Variants in LIPK observed in about 807,000 individuals in gnomAD.
LIPK encodes the protein lipase family member K, also known as lipase member K.
A neutral mutation model predicts 48.6 loss-of-function variants in LIPK; 32 were observed. The ratio of observed to expected loss-of-function variants is 0.66; its 90% CI spans 0.50 to 0.88. The LOEUF (loss-of-function observed/expected upper bound fraction) is 0.88, where lower values mean the gene tolerates loss of function less well. Among genes scored for constraint, LIPK ranks in the 40% least tolerant of loss-of-function variants. The pLI, the probability that LIPK is intolerant of heterozygous loss-of-function variation, is 0.00. For synonymous variants in LIPK, 164 were observed against 157.4 expected (o/e 1.04, Z -0.32); for missense variants, 507 against 478.5 (o/e 1.06, Z -0.56).
At chr10:88,723,671 A>C (rs1842277418) in intron 1 of LIPK, among the ~76,000 whole-genome samples, 1 of 152,168 alleles carries the variant, frequency 6.6e-6, no homozygotes, top group African/African-American at 2.4e-5. Flanking sequence ...GTAATACTGG[A>C]TATAGAAAAT....
At chr10:88,749,250 C>A (rs1003859006) in intron 9 of LIPK, among the ~76,000 whole-genome samples, 5 of 152,138 alleles carry the variant, frequency 3.3e-5, no homozygotes, top group Admixed American at 3.3e-4. Flanking sequence ...ACATCTAACA[C>A]AGAATTAGAA....
At chr10:88,749,487 A>C (rs1425954899) in intron 9 of LIPK, among the ~76,000 whole-genome samples, 2 of 152,336 alleles carry the variant, frequency 1.3e-5, no homozygotes, top group African/African-American at 4.8e-5. Flanking sequence ...ATCTTCGACA[A>C]AGTTGACAAT....
At chr10:88,734,542 A>C (rs895743173) in intron 6 of LIPK, among the ~76,000 whole-genome samples, 1 of 152,232 alleles carries the variant, frequency 6.6e-6, no homozygotes, top group Admixed American at 6.5e-5. Context: ...ATATTTGCAC[A>C]GGGGAATGAC....
intron 6 of LIPK, among the ~76,000 whole-genome samples, chr10:88,735,319 C>G (rs1215381159): frequency 1.3e-5 from 2 of 152,232 alleles, no homozygotes; most frequent in African/African-American, 4.8e-5. Context: ...CTATAGATTG[C>G]TTTGATCCTT....
In LIPK at chr10:88,740,018, C is replaced by T. The variant is rs757471334; in HGVS notation, c.839C>T (p.Ser280Leu). 13 of 1,552,574 alleles carry T rather than the reference C, an allele frequency of 8.4e-6. No individual in the cohort carries two copies. In the South Asian group the frequency reaches 1.4e-4, roughly 17 times the overall value. The change falls in exon 8 of 10, where the codon TCA (serine) becomes TTA (leucine). Residue 280 changes from serine (S) to leucine (L), a missense_variant. Transcript: ENST00000404190. ...LNMSRLDVYLSHNPAGTSVQN... is the reference protein window; with the variant it reads ...LNMSRLDVYLLHNPAGTSVQN... ...CAGAGTCGCTTGGATGTTTATTTGT[C>T]ACACAATCCTGCGGGAACATCTGTT...
Position 88,743,281 on chromosome 10 carries a change from AT to A in LIPK, c.922del (p.Trp308GlyfsTer8), listed in dbSNP as rs1490064440. On this transcript the variant is annotated frameshift_variant, in exon 9 of 10. Transcript: ENST00000404190. LOFTEE classifies it high-confidence loss of function. ...AVNSGQLQAF[D>X]WGNSDQNMMH... Reference sequence around the variant, plus strand: ...AATTCTGGTCAGCTCCAAGCTTTTGATTGGGGAAACTCTGATCAGAACATGA... The same window carrying A: ...AATTCTGGTCAGCTCCAAGCTTTTGATGGGGAAACTCTGATCAGAACATGA... The A allele has an allele frequency of 1.9e-6, 3 of 1,593,400 alleles. No individual in the cohort carries two copies. Among genetic ancestry groups the A allele is most frequent in the Non-Finnish European group, 2.6e-6 (3 of 1,168,118 alleles).
chr10:88,711,618 G>C (rs1842028750), intron 1 of LIPK, among the ~76,000 whole-genome samples: 1 of 152,134 alleles, frequency 6.6e-6, no homozygotes, highest in South Asian at 2.1e-4. Context: ...GGGATTACAA[G>C]CATGCACCAA....
intron 1 of LIPK, among the ~76,000 whole-genome samples, chr10:88,719,895 T>C (rs189029737): frequency 7.6e-4 from 116 of 152,352 alleles, no homozygotes; most frequent in Non-Finnish European, 5.6e-4. Context: ...TCACCATCAA[T>C]GTATTTGTCA....
chr10:88,719,853 AT>A (rs1441923086), intron 1 of LIPK, among the ~76,000 whole-genome samples: 9 of 152,214 alleles, frequency 5.9e-5, no homozygotes. Context: ...TACTTCTGAT[AT>A]TCTTTTGTTG....
intron 1 of LIPK, among the ~76,000 whole-genome samples, chr10:88,723,118 G>T (rs1842264747): frequency 6.6e-6 from 1 of 151,898 alleles, no homozygotes; most frequent in Non-Finnish European, 1.5e-5. Flanking sequence ...CTCCTGGACT[G>T]AAGTGATCAG....
chr10:88,743,500 G>A (rs899202921), intron 9 of LIPK, among the ~76,000 whole-genome samples, 179 bp downstream of exon 9: 2 of 152,126 alleles, frequency 1.3e-5, no homozygotes, highest in Admixed American at 1.3e-4. Flanking sequence ...ATTCTTACAA[G>A]GACCTTGCAA....
chr10:88,712,686 G>C (rs1333159080), intron 1 of LIPK, among the ~76,000 whole-genome samples: 1 of 151,874 alleles, frequency 6.6e-6, no homozygotes, highest in African/African-American at 2.4e-5. Context: ...GCTTTTGCAG[G>C]GATTTATCTG....
chr10:88,732,530 C>A lies in LIPK; in HGVS notation c.648C>A (p.Thr216=), dbSNP rs190159444. The A allele has an allele frequency of 4.3e-5, 69 of 1,610,976 alleles. No homozygotes were observed. In the African/African-American group the frequency reaches 7.6e-4, roughly 18 times the overall value. ...AAAGTCCTATGAAAAAACTAACAAC[C>A]CTTTCCAGGCGAGTAGTTAAGGTAT... ...YTQSPMKKLT[T]LSRRVVKVLF... is the part of the protein sequence containing the mutation. Residue 216 remains threonine, a synonymous_variant, in exon 6 of 10, where the codon ACC becomes ACA. Transcript: ENST00000404190.
chr10:88,709,449 G>A (rs1020919067), intron 1 of LIPK, among the ~76,000 whole-genome samples: 2 of 127,200 alleles, frequency 1.6e-5, no homozygotes, highest in African/African-American at 3.1e-5. Context: ...CCCACCCCCC[G>A]ACAGGCCCCA....
At chr10:88,734,326 A>AAG (rs1842526698) in intron 6 of LIPK, among the ~76,000 whole-genome samples, 1 of 152,196 alleles carries the variant, frequency 6.6e-6, no homozygotes, top group Admixed American at 6.5e-5. Flanking sequence ...TTTCTGAAAC[A>AAG]AGAGAGAAAC....
chr10:88,738,965 A>T (rs2790702), intron 7 of LIPK, among the ~76,000 whole-genome samples: 1 of 152,122 alleles, frequency 6.6e-6, no homozygotes, highest in African/African-American at 2.4e-5. Context: ...TATTCAGTAC[A>T]TTTGGATAGC....
Position 88,731,208 on chromosome 10 carries a change from A to G in LIPK, c.422+27A>G, listed in dbSNP as rs138679462. 7,974 of 1,470,196 alleles carry G rather than the reference A, an allele frequency of 5.4e-3. 70 individuals carry two copies. The highest frequency in any genetic ancestry group is 0.034 in the South Asian group (2,308 of 67,946). 91.1% of individuals were successfully genotyped at this position (1,470,196 alleles called of 1,614,324 possible). A position where few individuals can be genotyped will look rare whatever the true frequency, so the allele number is the denominator to read the frequency against. ...TAAAGAGAAACCTATTAATGAATAAAATGTGTACTTTCCTCATGCATATGT... is the reference window on the plus strand; with the variant it reads ...TAAAGAGAAACCTATTAATGAATAAGATGTGTACTTTCCTCATGCATATGT... On this transcript the variant is annotated intron_variant, in intron 4 of 9. Transcript: ENST00000404190.
rs1842882705 is a variant in LIPK at position 88,752,585 on chromosome 10, C to T, written c.1029C>T (p.Asp343=). 2.5e-6 allele frequency: 4 copies of T among 1,572,812 alleles called. No homozygotes were observed. In the South Asian group the frequency reaches 4.7e-5, roughly 18 times the overall value. ...VPTAIWNGGQ[D]IVADPKDVEN... ...CAGCAATATGGAATGGTGGACAGGA[C>T]ATTGTGGCTGATCCCAAGGATGTTG... The change falls in exon 10 of 10, where the codon GAC becomes GAT. Residue 343 remains aspartate, a synonymous_variant. Transcript: ENST00000404190.
intron 1 of LIPK, among the ~76,000 whole-genome samples, chr10:88,715,794 C>T (rs1485215679): frequency 6.6e-6 from 1 of 150,898 alleles, no homozygotes; most frequent in African/African-American, 2.5e-5. Flanking sequence ...CTTTCTCCTT[C>T]CTTCCTTCCT....
Sources: allele counts gnomAD v4.1 joint callset (sites outside exome capture counted in the v4.1 genomes callset), GRCh38; gene constraint gnomAD v4.1.1; transcripts MANE v1.5; gene names NCBI Gene and HGNC (gene_info 2026-07-23, HGNC 2026-07-21).